The following UCK2 variants were observed in gnomAD, a reference collection of about 807,000 sequenced individuals.
UCK2 encodes uridine-cytidine kinase 2, also known as cytidine monophosphokinase 2.
A neutral mutation model predicts 30.8 loss-of-function variants in UCK2; 6 were observed. The ratio of observed to expected loss-of-function variants is 0.19; its 90% CI spans 0.11 to 0.38. UCK2 has a LOEUF of 0.38. Among genes scored for constraint, UCK2 ranks in the 10% least tolerant of loss-of-function variants. UCK2 has a pLI of 1.00. For synonymous variants in UCK2, 125 were observed against 133.6 expected (o/e 0.94, Z 0.45); for missense variants, 210 against 339.8 (o/e 0.62, Z 3.00).
At chr1:165,835,629 A>C (rs1231235162) in intron 1 of UCK2, among the ~76,000 whole-genome samples, 1 of 152,182 alleles carries the variant, frequency 6.6e-6, no homozygotes, top group Non-Finnish European at 1.5e-5. Context: ...AATGTATCTG[A>C]TGGGCTCTAA....
At chr1:165,852,091 G>A (rs10737519) in intron 1 of UCK2, among the ~76,000 whole-genome samples, 78,920 of 152,104 alleles carry the variant, frequency 0.52, 21,526 homozygotes, top group African/African-American at 0.7. Flanking sequence ...TCCTTTGGGT[G>A]CATACACGGT....
intron 4 of UCK2, among the ~76,000 whole-genome samples, chr1:165,901,560 A>G (rs749400281): frequency 6.6e-6 from 1 of 152,178 alleles, no homozygotes; most frequent in Non-Finnish European, 1.5e-5. Flanking sequence ...ATTTGAGTCT[A>G]TTTACTGAGA....
At chr1:165,887,182 A>G (rs897842992) in intron 1 of UCK2, among the ~76,000 whole-genome samples, 1 of 152,212 alleles carries the variant, frequency 6.6e-6, no homozygotes, top group African/African-American at 2.4e-5. Flanking sequence ...CCTAATAAGT[A>G]ATCATTTACA....
At chr1:165,880,986 A>G (rs1655483941) in intron 1 of UCK2, among the ~76,000 whole-genome samples, 1 of 152,006 alleles carries the variant, frequency 6.6e-6, no homozygotes, top group Non-Finnish European at 1.5e-5. Context: ...AGCCTGGCCA[A>G]CATGTTGAAA....
chr1:165,880,568 TGTGTGTGTGTGTG>T (rs1655468364), intron 1 of UCK2, among the ~76,000 whole-genome samples: 6 of 4,842 alleles, frequency 1.2e-3, no homozygotes, highest in South Asian at 7.4e-3. Context: ...TTTTTGGGGG[TGTGTGTGTGTGTG>T]TGTGTGTGTG....
chr1:165,892,325 G>C (rs531336221), intron 3 of UCK2: 3 of 151,970 alleles, frequency 2.0e-5, no homozygotes, highest in Admixed American at 6.6e-5. Context: ...GAACATCAAG[G>C]CTGGGAGAGT....
At chr1:165,849,303 G>A (rs1253220154) in intron 1 of UCK2, among the ~76,000 whole-genome samples, 1 of 152,170 alleles carries the variant, frequency 6.6e-6, no homozygotes, top group African/African-American at 2.4e-5. Context: ...GTGGTCAGGT[G>A]GTGGAGAGCT....
At chr1:165,880,566 G>GGGT in intron 1 of UCK2, among the ~76,000 whole-genome samples, 1 of 19,310 alleles carries the variant, frequency 5.2e-5, no homozygotes, top group East Asian at 5.9e-4. Context: ...TTTTTTTGGG[G>GGGT]GTGTGTGTGT....
chr1:165,907,703 G>A lies in UCK2; in HGVS notation c.666G>A (p.Val222=), dbSNP rs776594453. 4.3e-6 allele frequency: 7 copies of A among 1,614,022 alleles called. No homozygotes were observed. The highest frequency in any genetic ancestry group is 1.1e-5 in the South Asian group (1 of 91,090). ...ADNLVAINLI[V]QHIQDILNGG... ...CCACAGTGGCCATCAACCTCATCGT[G>A]CAGCACATCCAGGACATCCTGAATG... The change falls in exon 7 of 7, where the codon GTG becomes GTA. Residue 222 remains valine, a synonymous_variant. Transcript: ENST00000367879.
chr1:165,897,494 G>A (rs1342982036), intron 4 of UCK2, among the ~76,000 whole-genome samples: 1 of 152,134 alleles, frequency 6.6e-6, no homozygotes, highest in Non-Finnish European at 1.5e-5. Context: ...ATAGAGGAAT[G>A]AAAGGTGAGA....
intron 4 of UCK2, chr1:165,902,961 A>C (rs1647531311): frequency 2.5e-6 from 1 of 395,524 alleles, no homozygotes; most frequent in Non-Finnish European, 4.6e-6. Flanking sequence ...TTCAAAGAGC[A>C]TTGTGTCATT....
chr1:165,833,875 A>G (rs1654117807), intron 1 of UCK2, among the ~76,000 whole-genome samples: 1 of 152,168 alleles, frequency 6.6e-6, no homozygotes, highest in Non-Finnish European at 1.5e-5. Flanking sequence ...TCAGTCATTA[A>G]GCTGATTTGT....
intron 1 of UCK2, among the ~76,000 whole-genome samples, chr1:165,882,989 T>A (rs1448557378): frequency 6.6e-6 from 1 of 152,126 alleles, no homozygotes; most frequent in Non-Finnish European, 1.5e-5. Flanking sequence ...CACACCCAGC[T>A]AATTTTTTGT....
chr1:165,848,751 T>G (rs1039565758), intron 1 of UCK2, among the ~76,000 whole-genome samples: 1 of 152,142 alleles, frequency 6.6e-6, no homozygotes, highest in Non-Finnish European at 1.5e-5. Flanking sequence ...GTTATCTGTG[T>G]CAGCTTTTGA....
At chr1:165,828,079 G>A in intron 1 of UCK2, 147 bp downstream of exon 1, 1 of 364,026 alleles carries the variant, frequency 2.7e-6, no homozygotes, top group Non-Finnish European at 3.9e-6. Context: ...CGCCGAGTGC[G>A]CCCCGCGCGG....
intron 1 of UCK2, among the ~76,000 whole-genome samples, chr1:165,862,381 G>T (rs1459049006): frequency 6.6e-6 from 1 of 152,100 alleles, no homozygotes; most frequent in African/African-American, 2.4e-5. Flanking sequence ...TCTGGCCCAC[G>T]CTTGATGTAG....
In UCK2 at chr1:165,903,184, T is replaced by C. The variant is rs1278982918; in HGVS notation, c.502T>C (p.Leu168=). The change falls in exon 5 of 7, where the codon TTA becomes CTA. Residue 168 remains leucine, a splice_region_variant and synonymous_variant. Transcript: ENST00000367879. ...DADTRLSRRV[L]RDISERGRDL... is the part of the protein sequence containing the mutation. ...TCTTGTTTTCCCTTCTCTTACAGTA[T>C]TAAGGGACATCAGCGAGAGAGGCAG... is the stretch of plus-strand genomic sequence containing the variant. 7.4e-6 allele frequency: 12 copies of C among 1,612,930 alleles called. No individual in the cohort carries two copies. Among genetic ancestry groups the C allele is most frequent in the Non-Finnish European group, 1.0e-5 (12 of 1,179,126 alleles).
At chr1:165,881,986 G>C (rs1655511156) in intron 1 of UCK2, among the ~76,000 whole-genome samples, 1 of 152,186 alleles carries the variant, frequency 6.6e-6, no homozygotes, top group Admixed American at 6.5e-5. Flanking sequence ...ACCAACAGAT[G>C]GATCAGGAAT....
At chr1:165,842,954 ATGC>A (rs1260463169) in intron 1 of UCK2, among the ~76,000 whole-genome samples, 1 of 152,166 alleles carries the variant, frequency 6.6e-6, no homozygotes, top group Non-Finnish European at 1.5e-5. Context: ...ACGTGTGTTG[ATGC>A]TGCTGCTTCT....
Sources: gnomAD v4.1 joint callset for allele counts (sites outside exome capture counted in the v4.1 genomes callset) on GRCh38, gnomAD v4.1.1 for gene constraint, MANE v1.5 for transcripts, NCBI Gene and HGNC (gene_info 2026-07-23, HGNC 2026-07-21) for gene names.